The following PCSK6 variants were observed in gnomAD, a reference collection of about 807,000 sequenced individuals.
PCSK6 encodes proprotein convertase subtilisin/kexin type 6, also known as paired basic amino acid cleaving enzyme 4.
In PCSK6, 85 loss-of-function variants were observed where a neutral mutation model predicts 123.3. The ratio of observed to expected loss-of-function variants is 0.69; its 90% CI spans 0.58 to 0.83. The LOEUF (loss-of-function observed/expected upper bound fraction) is 0.83, where lower values mean the gene tolerates loss of function less well. PCSK6 is among the 40% of genes least tolerant of loss of function. The pLI is 0.00. For synonymous variants in PCSK6, 508 were observed against 516.0 expected (o/e 0.98, Z 0.21); for missense variants, 1,191 against 1,282.3 (o/e 0.93, Z 1.09).
At chr15:101,381,126 C>T (rs1239894732) in intron 11 of PCSK6, among the ~76,000 whole-genome samples, 1 of 151,928 alleles carries the variant, frequency 6.6e-6, no homozygotes, top group Non-Finnish European at 1.5e-5. Flanking sequence ...CTTTGGGAGG[C>T]CAAGGCGGGT....
chr15:101,487,101 G>A (rs566819072), intron 1 of PCSK6, among the ~76,000 whole-genome samples: 11 of 152,360 alleles, frequency 7.2e-5, no homozygotes, highest in African/African-American at 2.2e-4. Context: ...TATTGAGTGG[G>A]TAGAGGCTCA....
At chr15:101,481,244 G>A (rs964540521) in intron 1 of PCSK6, among the ~76,000 whole-genome samples, 28 of 152,238 alleles carry the variant, frequency 1.8e-4, no homozygotes, top group African/African-American at 5.1e-4. Context: ...TACATCCGGC[G>A]GGCTGGGGAA....
At chr15:101,353,766 G>C (rs12591632) in intron 13 of PCSK6, among the ~76,000 whole-genome samples, 1 of 151,996 alleles carries the variant, frequency 6.6e-6, no homozygotes. Context: ...TTGGAGAGGC[G>C]TGGAGACCTC....
chr15:101,418,064 TAA>T (rs2055952318), intron 6 of PCSK6, among the ~76,000 whole-genome samples: 2 of 152,180 alleles, frequency 1.3e-5, no homozygotes, highest in Non-Finnish European at 2.9e-5. Context: ...GATGTACTTT[TAA>T]ATTACGAGCA....
chr15:101,368,794 G>A (rs1399480735), intron 12 of PCSK6, among the ~76,000 whole-genome samples: 2 of 152,194 alleles, frequency 1.3e-5, no homozygotes, highest in South Asian at 2.1e-4. Flanking sequence ...GTGCACGCAG[G>A]AACACGGGGC....
Position 101,407,824 on chromosome 15 carries a change from A to T in PCSK6, c.824-9248T>A, listed in dbSNP as rs1175858336. Among the ~76,000 whole-genome samples, 3 of 152,204 alleles carry T rather than the reference A, an allele frequency of 2.0e-5. No homozygotes were observed. In the East Asian group the frequency reaches 5.8e-4, roughly 29 times the overall value. ...CTGGAACAAACCACCTTTTCAATGCATGGCAGTGGTCTCCTCATCTGCTGG... is the reference window on the plus strand; with the variant it reads ...CTGGAACAAACCACCTTTTCAATGCTTGGCAGTGGTCTCCTCATCTGCTGG... On this transcript the variant is annotated intron_variant, in intron 6 of 21. Transcript: ENST00000611716.
At chr15:101,442,571 G>A (rs55794955) in intron 2 of PCSK6, among the ~76,000 whole-genome samples, 32,174 of 152,054 alleles carry the variant, frequency 0.21, 3,442 homozygotes, top group Admixed American at 0.24. Flanking sequence ...TGTCATTGAA[G>A]CAGGTGGGTT....
chr15:101,337,413 T>C (rs1010789451), intron 13 of PCSK6: 9 of 152,328 alleles, frequency 5.9e-5, no homozygotes, highest in Non-Finnish European at 1.3e-4. Context: ...TGGCATAAAG[T>C]GTATGGCATA....
At chr15:101,407,080 C>A (rs960803314) in intron 6 of PCSK6, among the ~76,000 whole-genome samples, 8 of 151,918 alleles carry the variant, frequency 5.3e-5, no homozygotes, top group African/African-American at 1.9e-4. Flanking sequence ...GGGCCGTGAC[C>A]AGCGTGGGAG....
At chr15:101,422,493 A>ATG (rs2056113783) in intron 6 of PCSK6, among the ~76,000 whole-genome samples, 1 of 152,228 alleles carries the variant, frequency 6.6e-6, no homozygotes, top group Non-Finnish European at 1.5e-5. Flanking sequence ...ATGGTCTAGG[A>ATG]GTAAAGACCA....
At chr15:101,355,625 A>G (rs1364021943) in intron 13 of PCSK6, among the ~76,000 whole-genome samples, 1 of 152,238 alleles carries the variant, frequency 6.6e-6, no homozygotes, top group Non-Finnish European at 1.5e-5. Context: ...CAGACAAGGT[A>G]AGTGTGTGCT....
intron 11 of PCSK6, among the ~76,000 whole-genome samples, chr15:101,380,781 AG>A (rs1184280701): frequency 6.6e-6 from 1 of 152,238 alleles, no homozygotes; most frequent in African/African-American, 2.4e-5. Flanking sequence ...TTACAAGAGT[AG>A]AGGCATATTC....
chr15:101,406,494 T>C (rs1004228252), intron 6 of PCSK6, among the ~76,000 whole-genome samples: 2 of 152,340 alleles, frequency 1.3e-5, no homozygotes, highest in South Asian at 2.1e-4. Context: ...CAGAGAATTA[T>C]GTTTTGTTTT....
intron 6 of PCSK6, among the ~76,000 whole-genome samples, chr15:101,404,273 C>G (rs1271813482): frequency 1.3e-5 from 2 of 152,178 alleles, no homozygotes; most frequent in Non-Finnish European, 2.9e-5. Context: ...GTTCCTTTCC[C>G]CCTTTTATAG....
chr15:101,400,513 T>G (rs2141582207), intron 6 of PCSK6, among the ~76,000 whole-genome samples: 2 of 152,256 alleles, frequency 1.3e-5, no homozygotes, highest in South Asian at 4.1e-4. Context: ...AAAAACAAAA[T>G]AGTGAAGTTT....
At chr15:101,403,806 G>A (rs760277245) in intron 6 of PCSK6, among the ~76,000 whole-genome samples, 5 of 152,072 alleles carry the variant, frequency 3.3e-5, no homozygotes, top group Admixed American at 1.3e-4. Flanking sequence ...TGCAACCTCC[G>A]CCTCCCGGGT....
At chr15:101,436,555 C>T (rs370726918) in intron 2 of PCSK6, among the ~76,000 whole-genome samples, 2 of 152,200 alleles carry the variant, frequency 1.3e-5, no homozygotes, top group East Asian at 3.8e-4. Context: ...GGGAGGGAGT[C>T]GGAGGCCATA....
intron 2 of PCSK6, among the ~76,000 whole-genome samples, chr15:101,438,632 G>T (rs1425209395): frequency 6.6e-6 from 1 of 152,184 alleles, no homozygotes; most frequent in Non-Finnish European, 1.5e-5. Context: ...CCTCTCCTCT[G>T]GTTCTGGAAC....
intron 9 of PCSK6, among the ~76,000 whole-genome samples, chr15:101,386,121 C>T (rs149608726): frequency 6.6e-6 from 1 of 152,192 alleles, no homozygotes; most frequent in Non-Finnish European, 1.5e-5. Flanking sequence ...GGAACGCACA[C>T]CGTGCTCTCG....
Sources: gnomAD v4.1 joint callset for allele counts (sites outside exome capture counted in the v4.1 genomes callset) on GRCh38, gnomAD v4.1.1 for gene constraint, MANE v1.5 for transcripts, NCBI Gene and HGNC (gene_info 2026-07-23, HGNC 2026-07-21) for gene names.